The following NHS variants were observed in gnomAD, a reference collection of about 807,000 sequenced individuals.
NHS encodes actin remodeling regulator NHS.
A neutral mutation model predicts 72.5 loss-of-function variants in NHS; 5 were observed. The observed-to-expected ratio is 0.07, with a 90% CI of 0.04 to 0.14. The LOEUF is 0.14. Ranked by LOEUF, NHS falls within the 10% of genes least tolerant of loss-of-function variation. NHS has a pLI of 1.00. For missense variants in NHS, 1,072 were observed against 1,355.7 expected (o/e 0.79, Z 3.29); for synonymous variants, 464 against 547.7 (o/e 0.85, Z 2.13).
intron 1 of NHS, among the ~76,000 whole-genome samples, chrX:17,636,816 G>A (rs2065851068): frequency 8.9e-6 from 1 of 112,238 alleles, no homozygotes; most frequent in Admixed American, 9.4e-5. Flanking sequence ...TGTGAACCAG[G>A]CAGCTTCCAA....
At chrX:17,545,537 A>G (rs1288418655) in intron 1 of NHS, among the ~76,000 whole-genome samples, 10 of 111,758 alleles carry the variant, frequency 8.9e-5, no homozygotes, top group Non-Finnish European at 1.7e-4. Flanking sequence ...CCTGACTGTA[A>G]GAGCAATTGG....
At chrX:17,632,624 C>A (rs1259837354) in intron 1 of NHS, among the ~76,000 whole-genome samples, 2 of 110,563 alleles carry the variant, frequency 1.8e-5, no homozygotes, top group Admixed American at 1.9e-4. Flanking sequence ...AAAACGAAGA[C>A]CCCGGCTAGC....
At chrX:17,544,728 G>A (rs1039446839) in intron 1 of NHS, among the ~76,000 whole-genome samples, 1 of 111,550 alleles carries the variant, frequency 9.0e-6, no homozygotes, top group African/African-American at 3.3e-5. Context: ...GGCCCGGCTG[G>A]TCTTGAACTT....
chrX:17,475,834 C>T (rs1479930520), intron 1 of NHS, among the ~76,000 whole-genome samples: 2 of 112,082 alleles, frequency 1.8e-5, no homozygotes, highest in Non-Finnish European at 3.8e-5. Context: ...TCCTGCCCCT[C>T]GCCTCGTCCT....
chrX:17,728,276 T>C lies in NHS; in HGVS notation c.4170T>C (p.Asp1390=). ...ASGISAKSAS[D]NSKAEETQGN... is the part of the protein sequence containing the mutation. ...GTATTTCAGCCAAAAGTGCCTCTGA[T>C]AACAGCAAAGCAGAGGAGACCCAAG... is the stretch of plus-strand genomic sequence containing the variant. Residue 1390 remains aspartate (D), a synonymous_variant, in exon 7 of 9, where the codon GAT becomes GAC. Transcript: ENST00000676302. The C allele has an allele frequency of 3.3e-6, 4 of 1,211,947 alleles. No homozygotes were observed. Among genetic ancestry groups the C allele is most frequent in the Non-Finnish European group, 4.5e-6 (4 of 895,546 alleles).
At chrX:17,629,780 C>G (rs2147067312) in intron 1 of NHS, among the ~76,000 whole-genome samples, 1 of 111,813 alleles carries the variant, frequency 8.9e-6, no homozygotes, top group South Asian at 3.7e-4. Flanking sequence ...ATCACATTGG[C>G]CTGGGCTGCA....
chrX:17,376,832 C>G (rs1357422338), intron 1 of NHS, among the ~76,000 whole-genome samples: 2 of 113,071 alleles, frequency 1.8e-5, no homozygotes, highest in Admixed American at 1.8e-4. Context: ...TGTTTCGTCA[C>G]TCGCTGTGAC....
intron 1 of NHS, among the ~76,000 whole-genome samples, chrX:17,645,354 G>GT (rs980023652): frequency 2.7e-5 from 3 of 111,898 alleles, no homozygotes; most frequent in Admixed American, 9.5e-5. Flanking sequence ...ACCATCTGTA[G>GT]TTTCTTTTCC....
At chrX:17,616,794 A>T in intron 1 of NHS, among the ~76,000 whole-genome samples, 1 of 112,737 alleles carries the variant, frequency 8.9e-6, no homozygotes, top group African/African-American at 3.2e-5. Context: ...CTGTACATTT[A>T]CATTTGAATT....
intron 1 of NHS, among the ~76,000 whole-genome samples, chrX:17,545,775 G>A (rs1054202007): frequency 8.9e-6 from 1 of 111,950 alleles, no homozygotes; most frequent in African/African-American, 3.3e-5. Context: ...AAGTCCAAGC[G>A]GAGGTCACTG....
At chrX:17,624,376 T>G (rs1293877310) in intron 1 of NHS, among the ~76,000 whole-genome samples, 1 of 112,255 alleles carries the variant, frequency 8.9e-6, no homozygotes, top group Non-Finnish European at 1.9e-5. Context: ...TTCAAGGAAT[T>G]ATTACAAAGT....
At chrX:17,382,187 G>GTGGTT (rs1182987775) in intron 1 of NHS, among the ~76,000 whole-genome samples, 1 of 111,628 alleles carries the variant, frequency 9.0e-6, no homozygotes, top group African/African-American at 3.3e-5. Context: ...ATGTGTCGTG[G>GTGGTT]TGGTTTGGTA....
At chrX:17,458,087 G>A (rs1298695989) in intron 1 of NHS, among the ~76,000 whole-genome samples, 7 of 112,071 alleles carry the variant, frequency 6.2e-5, no homozygotes, top group African/African-American at 1.9e-4. Flanking sequence ...CATGTATGGA[G>A]ATATATGCAT....
Position 17,394,683 on chromosome X carries a change from G to T in NHS, c.565+18361G>T, listed in dbSNP as rs187273532. On this transcript the variant is annotated intron_variant, in intron 1 of 8. Transcript: ENST00000676302. ...TTGCCTATCTTTTCTGTAGGTGACAGCTAAGACCATGGCCTACACTTTGTT... is the reference window on the plus strand; with the variant it reads ...TTGCCTATCTTTTCTGTAGGTGACATCTAAGACCATGGCCTACACTTTGTT... 4.5e-5 allele frequency among the ~76,000 whole-genome samples: 5 copies of T among 111,589 alleles called. No homozygotes were observed. The East Asian group carries it at 1.4e-3, about 32-fold the overall frequency.
At position 17,726,908 on chromosome X, in the gene NHS, A is replaced by T. The variant is rs184391726; in HGVS notation, c.2802A>T (p.Pro934=). ...EPQLDASDIP[P]FKDEVAESTH... is the part of the protein sequence containing the mutation. ...AGTTAGATGCTTCGGATATTCCACC[A>T]TTCAAAGATGAAGTTGCCGAATCCA... Residue 934 remains proline (P), a synonymous_variant, in exon 7 of 9, where the codon CCA becomes CCT. Transcript: ENST00000676302. 15 of 1,210,428 alleles carry T rather than the reference A, an allele frequency of 1.2e-5. No homozygotes were observed. The highest frequency in any genetic ancestry group is 6.7e-6 in the Non-Finnish European group (6 of 895,371).
intron 1 of NHS, among the ~76,000 whole-genome samples, chrX:17,585,468 A>C (rs1341793494): frequency 8.9e-6 from 1 of 111,734 alleles, no homozygotes; most frequent in Admixed American, 9.5e-5. Flanking sequence ...ATTTTCACCC[A>C]GGATGGGGCG....
intron 1 of NHS, among the ~76,000 whole-genome samples, chrX:17,677,309 T>C (rs1464897362): frequency 8.9e-6 from 1 of 112,158 alleles, no homozygotes; most frequent in East Asian, 2.8e-4. Context: ...AGAACAATTA[T>C]GAATCCTCTG....
At chrX:17,420,969 A>T (rs978220310) in intron 1 of NHS, among the ~76,000 whole-genome samples, 5 of 111,222 alleles carry the variant, frequency 4.5e-5, no homozygotes, top group African/African-American at 1.6e-4. Flanking sequence ...TGGAAATAAG[A>T]AATATAGAGA....
chrX:17,465,359 C>T (rs993845445), intron 1 of NHS, among the ~76,000 whole-genome samples: 10 of 111,260 alleles, frequency 9.0e-5, no homozygotes, highest in African/African-American at 2.9e-4. Flanking sequence ...TTGGAGGCCT[C>T]GATTTAAATT....
Sources: allele counts gnomAD v4.1 joint callset (sites outside exome capture counted in the v4.1 genomes callset), GRCh38; gene constraint gnomAD v4.1.1; transcripts MANE v1.5; gene names NCBI Gene and HGNC (gene_info 2026-07-23, HGNC 2026-07-21).